Variants in HLX observed in about 807,000 individuals in gnomAD.
HLX encodes the protein H2.0-like homeobox protein.
Under a neutral mutation model 27.7 loss-of-function variants are expected in HLX, and 6 were observed. That is an observed-to-expected ratio of 0.22 (90% confidence interval 0.12 to 0.43). The LOEUF is 0.43. Among genes scored for constraint, HLX ranks in the 20% least tolerant of loss-of-function variants. The probability of loss-of-function intolerance (pLI) is 1.00; values close to 1 mark genes in which losing one functional copy is unlikely to be tolerated. For synonymous variants in HLX, 328 were observed against 293.8 expected (o/e 1.12, Z -1.19); for missense variants, 666 against 655.2 (o/e 1.02, Z -0.18).
Position 220,881,446 on chromosome 1 carries a change from C to T in HLX, c.772+73C>T. ...GTCAGAAATCTCAGGACTGACGCCT[C>T]CAGGGCTGCCACGGTGTCGCAATCT... On this transcript the variant is annotated intron_variant, in intron 2 of 3. Transcript: ENST00000366903. 3.2e-6 allele frequency: 4 copies of T among 1,247,482 alleles called. No individual in the cohort carries two copies. The South Asian group carries it at 4.8e-5, about 15-fold the overall frequency. 77.3% of individuals were successfully genotyped at this position (1,247,482 alleles called of 1,614,324 possible). A position where few individuals can be genotyped will look rare whatever the true frequency, so the allele number is the denominator to read the frequency against.
At position 220,880,142 on chromosome 1, in the gene HLX, C is replaced by A; in HGVS notation, c.285C>A (p.Pro95=). The A allele has an allele frequency of 6.2e-7, 1 of 1,610,000 alleles. No individual in the cohort carries two copies. Among genetic ancestry groups the A allele is most frequent in the East Asian group, 2.2e-5 (1 of 44,790 alleles). ...FQAAARSPLR[P]TPVVAPSEVP... Reference sequence around the variant, plus strand: ...CGGCGGCCAGATCCCCGCTTCGACCCACCCCAGTGGTGGCGCCCTCCGAAG... The same window carrying A: ...CGGCGGCCAGATCCCCGCTTCGACCAACCCCAGTGGTGGCGCCCTCCGAAG... The change falls in exon 1 of 4, where the codon CCC becomes CCA. Residue 95 remains proline, a synonymous_variant. Transcript: ENST00000366903.
At chr1:220,880,606 G>A in intron 1 of HLX, 157 bp downstream of exon 1, 1 of 773,650 alleles carries the variant, frequency 1.3e-6, no homozygotes. Context: ...AAAACATTAG[G>A]TCTAAAACTC....
Position 220,881,369 on chromosome 1 carries a change from T to G in HLX, c.768T>G (p.Phe256Leu), listed in dbSNP as rs1385260231. Reference sequence around the variant, plus strand: ...TTCAGCATCAGTTCCAAGACACGTTTCCAGGTACGGAAAAACTCCAGAGTA... The same window carrying G: ...TTCAGCATCAGTTCCAAGACACGTTGCCAGGTACGGAAAAACTCCAGAGTA... ...NSVQHQFQDT[F>L]PGPYAVLTKD... Residue 256 changes from phenylalanine (F) to leucine (L), a missense_variant, in exon 2 of 4, where the codon TTT (phenylalanine) becomes TTG (leucine). Phe to Leu is a conservative substitution (Grantham distance 22, BLOSUM62 0). Transcript: ENST00000366903. 6.2e-7 allele frequency: 1 copy of G among 1,613,766 alleles called. No individual in the cohort carries two copies. The highest frequency in any genetic ancestry group is 1.7e-5 in the Admixed American group (1 of 60,032).
intron 1 of HLX, chr1:220,880,868 G>A (rs1292538940): frequency 2.4e-6 from 1 of 424,956 alleles, no homozygotes; most frequent in African/African-American, 2.0e-5. Context: ...CCGCCTAGAT[G>A]AGCGGGCAGA....
Position 220,882,141 on chromosome 1 carries a change from C to T in HLX, c.773-23C>T. 4 of 1,613,312 alleles carry T rather than the reference C, an allele frequency of 2.5e-6. No homozygotes were observed. The South Asian group carries it at 4.4e-5, about 18-fold the overall frequency. ...TGAACGGCCCTCTTGTCTTTCTTCC[C>T]TCTGGCTCCCGTTCTGCGGCAGGTC... On this transcript the variant is annotated intron_variant, in intron 2 of 3. Transcript: ENST00000366903.
At chr1:220,882,395 A>G in intron 3 of HLX, 47 bp downstream of exon 3, 2 of 1,580,328 alleles carry the variant, frequency 1.3e-6, no homozygotes, top group Non-Finnish European at 8.7e-7. Flanking sequence ...GGCGGGCAGC[A>G]GCGCACGGCC....
rs1370077895 is a variant in HLX, at chr1:220,881,459, G to A, written c.772+86G>A. The A allele has an allele frequency of 2.6e-6, 3 of 1,142,980 alleles. No individual in the cohort carries two copies. The East Asian group carries it at 7.0e-5, about 27-fold the overall frequency. The allele number at this position is 1,142,980 out of a possible 1,614,324, so 70.8% of individuals were successfully genotyped here. A position where few individuals can be genotyped will look rare whatever the true frequency, so the allele number is the denominator to read the frequency against. ...GGACTGACGCCTCCAGGGCTGCCAC[G>A]GTGTCGCAATCTCACAATTGGGGCG... On this transcript the variant is annotated intron_variant, in intron 2 of 3. Coordinates refer to ENST00000366903, the MANE Select transcript of HLX (RefSeq NM_021958.4).
rs775906170 is a variant in HLX, at chr1:220,880,321, G to C, written c.464G>C (p.Arg155Pro). The part of the protein sequence containing the change: ...GALQPPASGT[R>P]VVPNPHHSGS... ...CTGCAGCCCCCGGCCTCGGGGACGC[G>C]AGTGGTTCCGAACCCCCACCACAGT... The change falls in exon 1 of 4, where the codon CGA becomes CCA. Residue 155 changes from arginine to proline, a missense_variant. Arg to Pro is a moderately radical substitution (Grantham distance 103, BLOSUM62 -2). Coordinates refer to ENST00000366903, the MANE Select transcript of HLX (RefSeq NM_021958.4). 6.2e-7 allele frequency: 1 copy of C among 1,613,716 alleles called. No individual in the cohort carries two copies.
At chr1:220,883,297 ACACACACACACACAC>A (rs1674498697) in intron 3 of HLX, 1 of 98,436 alleles carries the variant, frequency 1.0e-5, no homozygotes, top group Non-Finnish European at 1.9e-5. Flanking sequence ...ACACACACAC[ACACACACACACACAC>A]ACACACACAC....
chr1:220,883,184 G>T (rs2102642907), intron 3 of HLX: 1 of 149,408 alleles, frequency 6.7e-6, no homozygotes, highest in African/African-American at 2.5e-5. Context: ...TTCCCCAGCA[G>T]GTCAGAAGCC....
At chr1:220,882,422 CT>C in intron 3 of HLX, 74 bp downstream of exon 3, 2 of 1,422,828 alleles carry the variant, frequency 1.4e-6, no homozygotes. Context: ...GGTAGGTCCC[CT>C]CCATCCCGGC....
chr1:220,884,631 C>G lies in HLX; in HGVS notation c.1394C>G (p.Pro465Arg). 3 of 1,610,518 alleles carry G rather than the reference C, an allele frequency of 1.9e-6. No homozygotes were observed. The highest frequency in any genetic ancestry group is 2.5e-6 in the Non-Finnish European group (3 of 1,179,028). ...GGCGGCGGCGCCTCGGAGCTTCTCC[C>G]TGCAACACAGCCCACAGCCAGCAGC... ...LGGGGASELL[P>R]ATQPTASSAP... Residue 465 changes from proline (P) to arginine (R), a missense_variant, in exon 4 of 4, where the codon CCT becomes CGT. By Grantham distance (103) the Pro-to-Arg change is moderately radical (BLOSUM62 -2). Transcript: ENST00000366903. This position sits in a 1 kb window ranked among gnomAD's most constrained non-coding sequence, Gnocchi z 4.9.
intron 1 of HLX, 123 bp downstream of exon 1, chr1:220,880,572 G>C: frequency 9.6e-7 from 1 of 1,046,544 alleles, no homozygotes; most frequent in Non-Finnish European, 1.5e-6. Flanking sequence ...CGGGAGAGAA[G>C]AAAACGAATT....
Position 220,881,026 on chromosome 1 carries a change from C to A in HLX, c.593-168C>A, listed in dbSNP as rs932287722. 5 of 659,632 alleles carry A rather than the reference C, an allele frequency of 7.6e-6. 1 individual carries two copies. The South Asian group carries it at 9.4e-5, about 12-fold the overall frequency. The allele number at this position is 659,632 out of a possible 1,614,324, so 40.9% of individuals were successfully genotyped here. A position where few individuals can be genotyped will look rare whatever the true frequency, so the allele number is the denominator to read the frequency against. ...GGACACACAGGAACTTTTCGTGCGT[C>A]GCTCCTTGGCAACTGTTGGGAGAGA... is the stretch of plus-strand genomic sequence containing the variant. On this transcript the variant is annotated intron_variant, in intron 1 of 3. Transcript: ENST00000366903.
intron 3 of HLX, chr1:220,883,961 T>C: frequency 1.7e-6 from 1 of 579,588 alleles, no homozygotes; most frequent in Non-Finnish European, 3.1e-6. Context: ...GAGGGTTGCA[T>C]TTTGAAAACG....
In HLX at chr1:220,880,052, A is replaced by G. The variant is rs1246180499; in HGVS notation, c.195A>G (p.Ala65=). 1 of 1,589,930 alleles carries G rather than the reference A, an allele frequency of 6.3e-7. No homozygotes were observed. The highest frequency in any genetic ancestry group is 1.1e-5 in the South Asian group (1 of 90,010). ...TGGGGGCGGCCCCGGAGGGCCTGGC[A>G]GGGGCCTCGGCCGCCGCCCTCACCG... ...GDLGAAPEGL[A]GASAAALTAH... is the part of the protein sequence containing the mutation. Residue 65 remains alanine (A), a synonymous_variant, in exon 1 of 4, where the codon GCA becomes GCG. Coordinates refer to ENST00000366903, the MANE Select transcript of HLX (RefSeq NM_021958.4).
Position 220,879,712 on chromosome 1 carries a change from G to A in HLX, c.-146G>A, listed in dbSNP as rs1417071212. 2 of 1,266,086 alleles carry A rather than the reference G, an allele frequency of 1.6e-6. No individual in the cohort carries two copies. Among genetic ancestry groups the A allele is most frequent in the Non-Finnish European group, 2.1e-6 (2 of 965,084 alleles). 78.4% of individuals were successfully genotyped at this position (1,266,086 alleles called of 1,614,324 possible). A position where few individuals can be genotyped will look rare whatever the true frequency, so the allele number is the denominator to read the frequency against. On this transcript the variant is annotated 5_prime_UTR_variant, in exon 1 of 4. Transcript: ENST00000366903. The stretch of plus-strand genomic sequence containing the variant: ...TCCCTCGGTGGCGCTAGGGCTCCCG[G>A]CCTCTCTTCCTCAGTGCGGGCGGAG...
rs1411265262 is a variant in HLX, at chr1:220,880,379, C to T, written c.522C>T (p.Leu174=). Residue 174 remains leucine (L), a synonymous_variant, in exon 1 of 4, where the codon CTC becomes CTT. Coordinates refer to ENST00000366903, the MANE Select transcript of HLX (RefSeq NM_021958.4). The part of the protein sequence containing the change: ...GSAPAPSSKD[L]KFGIDRILSA... ...CCCCGGCCCCCTCCAGCAAAGACCT[C>T]AAATTTGGAATTGACCGCATTTTAT... The T allele has an allele frequency of 6.2e-6, 10 of 1,614,174 alleles. No homozygotes were observed. The highest frequency in any genetic ancestry group is 7.6e-6 in the Non-Finnish European group (9 of 1,180,032).
At position 220,879,910 on chromosome 1, in the gene HLX, C is replaced by T. The variant is rs1264268564; in HGVS notation, c.53C>T (p.Ser18Leu). Reference sequence around the variant, plus strand: ...TACGCCTCCAACTTCAGCCTCTGGTCGGCCGCTTACTGCTCCTCGGCCGGC... The same window carrying T: ...TACGCCTCCAACTTCAGCCTCTGGTTGGCCGCTTACTGCTCCTCGGCCGGC... ...PFYASNFSLWSAAYCSSAGPG... is the reference protein window; with the variant it reads ...PFYASNFSLWLAAYCSSAGPG... Residue 18 changes from serine to leucine, a missense_variant, in exon 1 of 4, where the codon TCG (serine) becomes TTG (leucine). Physicochemically the swap from Ser to Leu is moderately radical, Grantham distance 145 (BLOSUM62 -2). Coordinates refer to ENST00000366903, the MANE Select transcript of HLX (RefSeq NM_021958.4). The T allele has an allele frequency of 1.9e-6, 3 of 1,594,730 alleles. No homozygotes were observed. The Admixed American group carries it at 5.1e-5, about 27-fold the overall frequency.
Sources: gnomAD v4.1 joint callset for allele counts on GRCh38, gnomAD v4.1.1 for gene constraint, Gnocchi (gnomAD v3.1) non-coding constraint, MANE v1.5 for transcripts, NCBI Gene and HGNC (gene_info 2026-07-23, HGNC 2026-07-21) for gene names.